Variants in NELL2 observed in about 807,000 individuals in gnomAD.
NELL2 encodes protein kinase C-binding protein NELL2.
A neutral mutation model predicts 109.6 loss-of-function variants in NELL2; 41 were observed. That is an observed-to-expected ratio of 0.37 (90% CI 0.29 to 0.49). The LOEUF is 0.49. Among genes scored for constraint, NELL2 ranks in the 20% least tolerant of loss-of-function variants. NELL2 has a pLI of 0.98. For synonymous variants in NELL2, 355 were observed against 344.7 expected (o/e 1.03, Z -0.33); for missense variants, 900 against 1,008.3 (o/e 0.89, Z 1.45).
At chr12:44,739,133 A>G (rs1939806206) in intron 9 of NELL2, among the ~76,000 whole-genome samples, 1 of 152,180 alleles carries the variant, frequency 6.6e-6, no homozygotes, top group African/African-American at 2.4e-5. Flanking sequence ...ATTCCAGTGT[A>G]AATTAAGTCC....
At position 44,885,796 on chromosome 12, in the gene NELL2, GA is replaced by G. The variant is rs1306091252; in HGVS notation, c.39-9897del. On this transcript the variant is annotated intron_variant, in intron 1 of 20. Coordinates refer to the NELL2 transcript ENST00000333837. Reference sequence around the variant, plus strand: ...ATAAGCTGATTTTTAAATTTATATGGAAAAATCAAAGAAAACAGAAAAGCCA... The same window carrying G: ...ATAAGCTGATTTTTAAATTTATATGGAAAATCAAAGAAAACAGAAAAGCCA... Among the ~76,000 whole-genome samples the G allele has an allele frequency of 9.2e-5, 14 of 151,658 alleles. No homozygotes were observed. The East Asian group carries it at 2.7e-3, about 29-fold the overall frequency.
chr12:44,574,196 C>T (rs1043006070), intron 15 of NELL2, among the ~76,000 whole-genome samples: 1 of 151,986 alleles, frequency 6.6e-6, no homozygotes, highest in Admixed American at 6.6e-5. Flanking sequence ...CTCCAGCCCC[C>T]TGGGTTTAAG....
At chr12:44,670,741 T>C (rs1398106432) in intron 12 of NELL2, among the ~76,000 whole-genome samples, 1 of 151,798 alleles carries the variant, frequency 6.6e-6, no homozygotes, top group African/African-American at 2.4e-5. Flanking sequence ...ATCAATTCAG[T>C]AGGAAGATAC....
At chr12:44,594,074 G>A (rs998236385) in intron 15 of NELL2, among the ~76,000 whole-genome samples, 1 of 151,650 alleles carries the variant, frequency 6.6e-6, no homozygotes, top group Non-Finnish European at 1.5e-5. Context: ...TTTATGTGGC[G>A]GGGGGGAGTC....
At chr12:44,921,361 A>G (rs947157751) in intron 1 of NELL2, among the ~76,000 whole-genome samples, 12 of 152,210 alleles carry the variant, frequency 7.9e-5, no homozygotes, top group Non-Finnish European at 1.6e-4. Context: ...CACAGTGGCC[A>G]GGCTCTCAGA....
At chr12:44,530,531 C>T (rs946886977) in intron 16 of NELL2, among the ~76,000 whole-genome samples, 1 of 152,172 alleles carries the variant, frequency 6.6e-6, no homozygotes, top group Non-Finnish European at 1.5e-5. Context: ...CAATCCCCTT[C>T]CCTTGAATGT....
At chr12:44,792,907 G>A (rs1942486545) in intron 3 of NELL2, among the ~76,000 whole-genome samples, 3 of 152,034 alleles carry the variant, frequency 2.0e-5, no homozygotes, top group Admixed American at 1.3e-4. Context: ...AGCACAAATT[G>A]GCAATGACAT....
chr12:44,885,461 A>T (rs769589043), intron 1 of NELL2, among the ~76,000 whole-genome samples: 10 of 151,990 alleles, frequency 6.6e-5, no homozygotes, highest in African/African-American at 2.4e-4. Flanking sequence ...AAGTCAATAT[A>T]CAGAAATCAA....
chr12:44,643,881 T>C (rs1244903383), intron 13 of NELL2, among the ~76,000 whole-genome samples: 1 of 152,146 alleles, frequency 6.6e-6, no homozygotes, highest in Non-Finnish European at 1.5e-5. Context: ...GTCTGTACTT[T>C]CAACAAATAC....
chr12:44,525,342 T>C (rs1017834402), intron 16 of NELL2, among the ~76,000 whole-genome samples: 2 of 152,082 alleles, frequency 1.3e-5, no homozygotes, highest in Non-Finnish European at 2.9e-5. Flanking sequence ...AATAAAGAAA[T>C]AGAGTAAAAA....
intron 12 of NELL2, among the ~76,000 whole-genome samples, chr12:44,695,759 A>G (rs1431557087): frequency 6.6e-6 from 1 of 152,156 alleles, no homozygotes; most frequent in Non-Finnish European, 1.5e-5. Flanking sequence ...ATAAGATCAT[A>G]TATATGACCA....
chr12:44,521,241 G>C (rs1941512321), intron 18 of NELL2, among the ~76,000 whole-genome samples: 1 of 152,166 alleles, frequency 6.6e-6, no homozygotes, highest in Non-Finnish European at 1.5e-5. Flanking sequence ...TGCAAAACAA[G>C]GTGCCCATCA....
intron 15 of NELL2, 80 bp downstream of exon 15, chr12:44,607,089 T>G (rs1945434776): frequency 8.0e-7 from 1 of 1,256,946 alleles, no homozygotes; most frequent in Non-Finnish European, 1.1e-6. Context: ...ACTTGAAACT[T>G]GAAACATTAT....
At position 44,520,247 on chromosome 12, in the gene NELL2, GT is replaced by G. The variant is rs763633965; in HGVS notation, c.2176-19del. 4.4e-6 allele frequency: 7 copies of G among 1,594,444 alleles called. No individual in the cohort carries two copies. The highest frequency in any genetic ancestry group is 5.1e-6 in the Non-Finnish European group (6 of 1,168,648). On this transcript the variant is annotated intron_variant, in intron 18 of 19. Transcript: ENST00000429094. ...TCCCCTTGCTACAAGGAAAGCAGAT[GT>G]GCAAGGGCAGAGGGAGAGGGAGGAG...
chr12:44,825,435 C>T (rs1183257089), intron 2 of NELL2, among the ~76,000 whole-genome samples: 37 of 116,468 alleles, frequency 3.2e-4, no homozygotes, highest in African/African-American at 1.2e-3. Flanking sequence ...CTTGCTCTGT[C>T]ACCAGGCTGG....
chr12:44,726,634 A>G (rs570999082), intron 9 of NELL2, among the ~76,000 whole-genome samples: 4 of 152,314 alleles, frequency 2.6e-5, no homozygotes, highest in African/African-American at 9.6e-5. Context: ...AATATAATCA[A>G]GAAAATTTTG....
At chr12:44,633,247 T>C (rs1351233528) in intron 13 of NELL2, among the ~76,000 whole-genome samples, 1 of 152,098 alleles carries the variant, frequency 6.6e-6, no homozygotes, top group Non-Finnish European at 1.5e-5. Flanking sequence ...TGGTGATTTC[T>C]ATGTGAGTAA....
chr12:44,520,317 A>T, intron 18 of NELL2, 88 bp from the exon 19 acceptor site: 1 of 897,172 alleles, frequency 1.1e-6, no homozygotes, highest in Non-Finnish European at 1.7e-6. Flanking sequence ...CACAGTGTTT[A>T]CTGAATACTC....
intron 9 of NELL2, among the ~76,000 whole-genome samples, chr12:44,768,366 A>G (rs924757917): frequency 2.1e-4 from 32 of 152,076 alleles, no homozygotes; most frequent in Non-Finnish European, 4.0e-4. Context: ...TAGGAAGCCT[A>G]CAGGATTATC....
Sources: gnomAD v4.1 joint callset for allele counts (sites outside exome capture counted in the v4.1 genomes callset) on GRCh38, gnomAD v4.1.1 for gene constraint, MANE v1.5 for transcripts, NCBI Gene and HGNC (gene_info 2026-07-23, HGNC 2026-07-21) for gene names.